The following ERP27 variants were observed in gnomAD, a reference collection of about 807,000 sequenced individuals.
ERP27 encodes endoplasmic reticulum protein 27.
ERP27 carries 23 observed loss-of-function variants against 27.7 expected under a neutral mutation model. The observed-to-expected ratio is 0.83, with a 90% CI of 0.60 to 1.18. ERP27 has a LOEUF of 1.18. ERP27 is among the 50% of genes most tolerant of loss of function. The pLI, the probability that ERP27 is intolerant of heterozygous loss-of-function variation, is 0.00. For synonymous variants in ERP27, 159 were observed against 118.3 expected, an observed-to-expected ratio of 1.34 and a Z score of -2.23; for missense variants, 363 against 327.9, an observed-to-expected ratio of 1.11 and a Z score of -0.83.
intron 6 of ERP27, 102 bp from the exon 7 acceptor site, chr12:14,914,884 T>A: frequency 2.2e-6 from 2 of 921,840 alleles, no homozygotes; most frequent in Non-Finnish European, 3.3e-6. Context: ...AACCCTGTTA[T>A]ATGAAGTTTG....
In ERP27 at chr12:14,934,989, A is replaced by G. The variant is rs1187386168; in HGVS notation, c.200T>C (p.Leu67Ser). ...EVAVIGFFQD[L>S]EIPAVPILHS... ...GAGTATGGGCACTGCTGGTATTTCT[A>G]AATCCTAAAAACAAGAGAAAAAATA... Residue 67 changes from leucine (L) to serine (S), a missense_variant, in exon 3 of 7, where the codon TTA becomes TCA. Leu to Ser is a moderately radical substitution (Grantham distance 145). Coordinates refer to ENST00000266397, the MANE Select transcript of ERP27 (RefSeq NM_152321.4). The G allele has an allele frequency of 1.2e-6, 2 of 1,613,816 alleles. No individual in the cohort carries two copies. The highest frequency in any genetic ancestry group is 2.2e-5 in the South Asian group (2 of 91,040).
At chr12:14,920,635 G>C (rs1863486522) in intron 4 of ERP27, among the ~76,000 whole-genome samples, 1 of 152,184 alleles carries the variant, frequency 6.6e-6, no homozygotes, top group Admixed American at 6.5e-5. Context: ...GCCTCCCACA[G>C]TGCTGGGATT....
chr12:14,917,326 A>G, intron 4 of ERP27, 23 bp from the exon 5 acceptor site: 1 of 1,614,080 alleles, frequency 6.2e-7, no homozygotes, highest in Non-Finnish European at 8.5e-7. Context: ...AATGTGTTAC[A>G]GTAGAGTGAA....
rs1400477092 is a variant in ERP27, at chr12:14,938,515, T to TCTCCTG, written c.-13_-8dup. The TCTCCTG allele has an allele frequency of 2.5e-6, 4 of 1,604,418 alleles. No individual in the cohort carries two copies. The Admixed American group carries it at 5.1e-5, about 20-fold the overall frequency. Reference sequence around the variant, plus strand: ...TGGACGGGGCAGCTTCCATTGTCCCTCTCCTGCTCCTGCTCCAACCCTGGA... The same window carrying TCTCCTG: ...TGGACGGGGCAGCTTCCATTGTCCCTCTCCTGCTCCTGCTCCTGCTCCAACCCTGGA... On this transcript the variant is annotated 5_prime_UTR_variant, in exon 1 of 7. Transcript: ENST00000266397.
At chr12:14,925,387 A>G (rs1174702014) in intron 3 of ERP27, among the ~76,000 whole-genome samples, 1 of 152,162 alleles carries the variant, frequency 6.6e-6, no homozygotes, top group Non-Finnish European at 1.5e-5. Flanking sequence ...TTATCTGGCC[A>G]ATTTTAAATT....
intron 4 of ERP27, among the ~76,000 whole-genome samples, chr12:14,920,606 G>C (rs576897365): frequency 3.9e-5 from 6 of 152,098 alleles, no homozygotes; most frequent in Admixed American, 3.3e-4. Flanking sequence ...TCCTGGACAC[G>C]AGTGATCCTC....
rs1863637776 is a variant in ERP27, at chr12:14,928,236, G to A, written c.333+6620C>T. Among the ~76,000 whole-genome samples the A allele has an allele frequency of 2.0e-5, 3 of 152,014 alleles. No homozygotes were observed. In the South Asian group the frequency reaches 6.2e-4, roughly 32 times the overall value. The stretch of plus-strand genomic sequence containing the variant: ...TTTTTCCCCAAGGTACTTTCTCCTA[G>A]TCTACCCAGTAAGATCAGAAGCAAA... On this transcript the variant is annotated intron_variant, in intron 3 of 6. Coordinates refer to ENST00000266397, the MANE Select transcript of ERP27 (RefSeq NM_152321.4).
chr12:14,915,932 ATCACATGT>A (rs1863403847), intron 5 of ERP27: 1 of 408,644 alleles, frequency 2.4e-6, no homozygotes, highest in South Asian at 3.9e-5. Flanking sequence ...AAAACCAAAT[ATCACATGT>A]TCCCACTTCT....
chr12:14,925,065 C>T (rs1025676326), intron 3 of ERP27, among the ~76,000 whole-genome samples: 6 of 152,224 alleles, frequency 3.9e-5, no homozygotes, highest in African/African-American at 7.2e-5. Flanking sequence ...AAAAAATGGA[C>T]AACCAGCAGC....
intron 3 of ERP27, among the ~76,000 whole-genome samples, chr12:14,925,643 G>A (rs950015264): frequency 6.6e-6 from 1 of 151,728 alleles, no homozygotes; most frequent in African/African-American, 2.4e-5. Flanking sequence ...TGTATTATTT[G>A]TGTCTTTAAA....
At position 14,937,937 on chromosome 12, in the gene ERP27, A is replaced by G. The variant is rs1863795629; in HGVS notation, c.195+15T>C. The G allele has an allele frequency of 6.2e-7, 1 of 1,610,392 alleles. No individual in the cohort carries two copies. The highest frequency in any genetic ancestry group is 1.3e-5 in the African/African-American group (1 of 74,824). ...CATTTCTGGCTCTTGGGGGAATTGC[A>G]AGTAGGGAACTAACCTGGAAGAAGC... On this transcript the variant is annotated intron_variant, in intron 2 of 6. Transcript: ENST00000266397.
intron 3 of ERP27, among the ~76,000 whole-genome samples, chr12:14,929,388 T>G (rs1473169993): frequency 6.6e-6 from 1 of 152,194 alleles, no homozygotes; most frequent in Non-Finnish European, 1.5e-5. Flanking sequence ...TTTCTTAAAC[T>G]AATAAACTCT....
intron 3 of ERP27, among the ~76,000 whole-genome samples, chr12:14,927,691 C>T (rs776232472): frequency 6.8e-6 from 1 of 146,408 alleles, no homozygotes; most frequent in Non-Finnish European, 1.5e-5. Context: ...CATCTTCTTC[C>T]AGATCTTGAC....
chr12:14,932,405 GGC>G (rs1054761758), intron 3 of ERP27, among the ~76,000 whole-genome samples: 13 of 152,094 alleles, frequency 8.5e-5, no homozygotes, highest in South Asian at 2.1e-4. Context: ...GGGGACCCTT[GGC>G]GGGTGGTGGC....
chr12:14,916,098 C>T (rs761011968), intron 5 of ERP27, among the ~76,000 whole-genome samples: 1 of 152,056 alleles, frequency 6.6e-6, no homozygotes, highest in East Asian at 1.9e-4. Context: ...GTGATGAAAT[C>T]ATCTGTACAA....
rs1296229474 is a variant in ERP27 at position 14,914,593 on chromosome 12, C to T, written c.*142G>A. ...GTGTGTGTGTGCGTGTGTGTGTGCA[C>T]GCGTGCGTGCGTGTGTGCACGTGCG... On this transcript the variant is annotated 3_prime_UTR_variant, in exon 7 of 7. Transcript: ENST00000266397. 16 of 617,986 alleles carry T rather than the reference C, an allele frequency of 2.6e-5. No homozygotes were observed. The highest frequency in any genetic ancestry group is 5.5e-5 in the East Asian group (2 of 36,378). 38.3% of individuals were successfully genotyped at this position (617,986 alleles called of 1,614,324 possible).
At chr12:14,932,042 A>G (rs1863705103) in intron 3 of ERP27, among the ~76,000 whole-genome samples, 1 of 152,156 alleles carries the variant, frequency 6.6e-6, no homozygotes, top group African/African-American at 2.4e-5. Flanking sequence ...GGGGTTGCTG[A>G]AGGGAGCTCA....
chr12:14,918,897 A>G (rs1472245175), intron 4 of ERP27, among the ~76,000 whole-genome samples: 1 of 152,230 alleles, frequency 6.6e-6, no homozygotes, highest in Non-Finnish European at 1.5e-5. Flanking sequence ...AATTTAGAGC[A>G]TTCATTCACT....
intron 3 of ERP27, 79 bp from the exon 4 acceptor site, chr12:14,921,127 G>A: frequency 1.7e-6 from 2 of 1,155,400 alleles, no homozygotes; most frequent in Non-Finnish European, 2.6e-6. Flanking sequence ...ACCCCCATGT[G>A]ACAGGCACTG....
Sources: allele counts gnomAD v4.1 joint callset (sites outside exome capture counted in the v4.1 genomes callset), GRCh38; gene constraint gnomAD v4.1.1; transcripts MANE v1.5; gene names NCBI Gene and HGNC (gene_info 2026-07-23, HGNC 2026-07-21).